CTNNA3: variants seen among roughly 807,000 people sequenced by gnomAD.
CTNNA3 encodes catenin alpha-3.
A neutral mutation model predicts 95.7 loss-of-function variants in CTNNA3; 76 were observed. The ratio of observed to expected loss-of-function variants is 0.79; its 90% CI spans 0.66 to 0.96. The LOEUF (loss-of-function observed/expected upper bound fraction) is 0.96. Ranked by LOEUF, CTNNA3 falls within the 40% of genes least tolerant of loss-of-function variation. The pLI is 0.00. For synonymous variants in CTNNA3, 431 were observed against 374.4 expected (o/e 1.15, Z -1.74); for missense variants, 1,191 against 1,089.8 (o/e 1.09, Z -1.31).
intron 5 of CTNNA3, among the ~76,000 whole-genome samples, chr10:67,300,838 C>T (rs1840236705): frequency 6.6e-6 from 1 of 152,154 alleles, no homozygotes; most frequent in Non-Finnish European, 1.5e-5. Context: ...AGGCCTTGTA[C>T]CTTCCCATCT....
At chr10:67,341,411 T>C (rs552706573) in intron 5 of CTNNA3, among the ~76,000 whole-genome samples, 2 of 152,290 alleles carry the variant, frequency 1.3e-5, no homozygotes, top group East Asian at 3.9e-4. Context: ...ATTGTTTTGA[T>C]TTTTAGATCC....
At chr10:66,994,241 A>C (rs1243089228) in intron 7 of CTNNA3, among the ~76,000 whole-genome samples, 1 of 152,228 alleles carries the variant, frequency 6.6e-6, no homozygotes, top group Non-Finnish European at 1.5e-5. Flanking sequence ...GATGAAAAGA[A>C]AGAAGGAAGA....
intron 10 of CTNNA3, among the ~76,000 whole-genome samples, chr10:66,522,124 G>A (rs563536411): frequency 3.9e-5 from 6 of 152,162 alleles, no homozygotes; most frequent in East Asian, 1.9e-4. Context: ...AATGGATGTG[G>A]ATGGGCTGCT....
intron 9 of CTNNA3, among the ~76,000 whole-genome samples, chr10:66,714,772 G>A (rs147808471): frequency 6.6e-6 from 1 of 152,204 alleles, no homozygotes; most frequent in East Asian, 1.9e-4. Flanking sequence ...TGATTATCAT[G>A]CATTTTAAAA....
At chr10:66,710,590 G>C (rs1320602189) in intron 9 of CTNNA3, among the ~76,000 whole-genome samples, 1 of 151,700 alleles carries the variant, frequency 6.6e-6, no homozygotes, top group East Asian at 1.9e-4. Context: ...AAGAAATAAA[G>C]ATTTCTTCAC....
intron 4 of CTNNA3, among the ~76,000 whole-genome samples, chr10:67,533,921 A>C (rs1220203577): frequency 6.6e-6 from 1 of 152,164 alleles, no homozygotes; most frequent in Non-Finnish European, 1.5e-5. Context: ...AAAATCTGTT[A>C]TGTAAGAAAA....
chr10:67,490,139 C>A (rs1359064344), intron 5 of CTNNA3, among the ~76,000 whole-genome samples: 1 of 152,154 alleles, frequency 6.6e-6, no homozygotes, highest in Non-Finnish European at 1.5e-5. Context: ...GATGCGAAAT[C>A]TCATCTTCTA....
chr10:66,417,468 G>A (rs938468504), intron 11 of CTNNA3, among the ~76,000 whole-genome samples: 8 of 151,930 alleles, frequency 5.3e-5, no homozygotes, highest in Admixed American at 2.0e-4. Flanking sequence ...TAGACAGATC[G>A]TCTAGAAAGA....
intron 13 of CTNNA3, among the ~76,000 whole-genome samples, chr10:66,130,292 A>G (rs1049557425): frequency 1.3e-5 from 2 of 152,204 alleles, no homozygotes; most frequent in African/African-American, 2.4e-5. Context: ...ACCTAACATT[A>G]CAATTAAAGG....
chr10:66,749,019 A>C (rs1839007205), intron 9 of CTNNA3, among the ~76,000 whole-genome samples: 2 of 151,508 alleles, frequency 1.3e-5, no homozygotes, highest in African/African-American at 4.9e-5. Context: ...CAAAAAAAAA[A>C]AAATACAAAA....
intron 5 of CTNNA3, among the ~76,000 whole-genome samples, chr10:67,439,915 G>A (rs757745223): frequency 3.8e-4 from 58 of 152,276 alleles, no homozygotes; most frequent in Non-Finnish European, 7.4e-4. Flanking sequence ...CCAGCTGTGG[G>A]AACTATGGTG....
chr10:67,466,823 A>T (rs1847612865), intron 5 of CTNNA3, among the ~76,000 whole-genome samples: 1 of 152,192 alleles, frequency 6.6e-6, no homozygotes, highest in South Asian at 2.1e-4. Flanking sequence ...TCTTCATCAT[A>T]ACTTAATACC....
At chr10:66,505,398 C>T (rs1359257142) in intron 11 of CTNNA3, among the ~76,000 whole-genome samples, 1 of 152,180 alleles carries the variant, frequency 6.6e-6, no homozygotes. Context: ...GCCATGTGTA[C>T]ATTTCTCTTC....
intron 12 of CTNNA3, among the ~76,000 whole-genome samples, chr10:66,306,128 T>C (rs1384253904): frequency 6.6e-6 from 1 of 152,160 alleles, no homozygotes; most frequent in African/African-American, 2.4e-5. Context: ...TTTTAAGCAA[T>C]ACATAGACGC....
chr10:65,967,548 C>T (rs2077999468), intron 16 of CTNNA3, among the ~76,000 whole-genome samples: 1 of 152,090 alleles, frequency 6.6e-6, no homozygotes. Context: ...ATGTACTTAG[C>T]TGTTACAGAC....
intron 5 of CTNNA3, among the ~76,000 whole-genome samples, chr10:67,373,631 T>A (rs1033286669): frequency 1.3e-5 from 2 of 152,064 alleles, no homozygotes; most frequent in Non-Finnish European, 2.9e-5. Context: ...TCTCCACTTG[T>A]TAAGTGAAAA....
At chr10:66,736,998 A>G (rs1849165806) in intron 9 of CTNNA3, among the ~76,000 whole-genome samples, 1 of 152,194 alleles carries the variant, frequency 6.6e-6, no homozygotes, top group Non-Finnish European at 1.5e-5. Flanking sequence ...GATGACTGGT[A>G]AGATTCACTT....
chr10:66,846,524 G>A (rs537039174), intron 7 of CTNNA3, among the ~76,000 whole-genome samples: 2 of 150,950 alleles, frequency 1.3e-5, no homozygotes, highest in South Asian at 4.2e-4. Context: ...ATGTTTGATT[G>A]TACAATCATT....
intron 5 of CTNNA3, among the ~76,000 whole-genome samples, chr10:67,260,338 A>C (rs1228922970): frequency 6.6e-6 from 1 of 152,186 alleles, no homozygotes; most frequent in Non-Finnish European, 1.5e-5. Flanking sequence ...GATTCAAAAC[A>C]CTATGACATT....
Sources: gnomAD v4.1 joint callset for allele counts (sites outside exome capture counted in the v4.1 genomes callset) on GRCh38, gnomAD v4.1.1 for gene constraint, MANE v1.5 for transcripts, NCBI Gene and HGNC (gene_info 2026-07-23, HGNC 2026-07-21) for gene names.